COL22A1: variants seen among roughly 807,000 people sequenced by gnomAD.
COL22A1 encodes the protein collagen alpha-1(XXII) chain.
COL22A1 carries 221 observed loss-of-function variants against 248.9 expected under a neutral mutation model. The observed-to-expected ratio is 0.89, with a 90% confidence interval of 0.80 to 0.99. COL22A1 has a LOEUF of 0.99. Among genes scored for constraint, COL22A1 ranks in the 50% least tolerant of loss-of-function variants. The pLI is 0.00. For synonymous variants in COL22A1, 891 were observed against 793.4 expected (o/e 1.12, Z -2.07); for missense variants, 2,240 against 2,179.0 (o/e 1.03, Z -0.56).
intron 3 of COL22A1, among the ~76,000 whole-genome samples, chr8:138,856,728 A>G (rs1822053844): frequency 6.6e-6 from 1 of 152,180 alleles, no homozygotes; most frequent in South Asian, 2.1e-4. Flanking sequence ...AGTGAGAGAG[A>G]CAGAGAGAGG....
At chr8:138,767,834 C>G (rs551546579) in intron 16 of COL22A1, among the ~76,000 whole-genome samples, 3 of 152,198 alleles carry the variant, frequency 2.0e-5, no homozygotes, top group Admixed American at 6.5e-5. Flanking sequence ...GCCGGCTGCC[C>G]GTGCCTGACC....
chr8:138,629,980 C>T (rs56369943), intron 50 of COL22A1, among the ~76,000 whole-genome samples: 23,854 of 152,044 alleles, frequency 0.16, 1,950 homozygotes, highest in South Asian at 0.19. Context: ...TGATTCATGG[C>T]CTTTCTAACT....
intron 1 of COL22A1, among the ~76,000 whole-genome samples, chr8:138,897,410 G>A (rs11992725): frequency 0.59 from 89,369 of 151,408 alleles, 28,183 homozygotes; most frequent in East Asian, 0.85. Flanking sequence ...TTAGTTGGGC[G>A]TGGTGGCACA....
chr8:138,612,323 T>C (rs1818928978), intron 56 of COL22A1, among the ~76,000 whole-genome samples: 1 of 152,176 alleles, frequency 6.6e-6, no homozygotes, highest in South Asian at 2.1e-4. Context: ...TTTATGCTTT[T>C]CTCTTTGCAC....
chr8:138,809,754 G>A (rs1477402998), intron 9 of COL22A1, among the ~76,000 whole-genome samples: 4 of 151,932 alleles, frequency 2.6e-5, no homozygotes, highest in Admixed American at 6.5e-5. Flanking sequence ...TCCTGATCTC[G>A]TGATCTGCCT....
At chr8:138,867,074 C>G (rs936154320) in intron 3 of COL22A1, among the ~76,000 whole-genome samples, 1 of 152,134 alleles carries the variant, frequency 6.6e-6, no homozygotes, top group African/African-American at 2.4e-5. Flanking sequence ...TGTAAAGGGC[C>G]CGATAGTAAA....
intron 51 of COL22A1, among the ~76,000 whole-genome samples, chr8:138,625,533 A>G (rs1820166785): frequency 2.0e-5 from 3 of 152,328 alleles, no homozygotes; most frequent in African/African-American, 7.2e-5. Context: ...AAGGATATTA[A>G]ATGGAAAAGT....
At chr8:138,693,556 C>T in intron 35 of COL22A1, 90 bp downstream of exon 35, 1 of 1,365,726 alleles carries the variant, frequency 7.3e-7, no homozygotes, top group Non-Finnish European at 1.0e-6. Context: ...CCTAGCTAGC[C>T]CAGAGCTGTG....
intron 3 of COL22A1, among the ~76,000 whole-genome samples, chr8:138,853,337 C>A (rs1162509896): frequency 6.6e-6 from 1 of 152,210 alleles, no homozygotes; most frequent in Non-Finnish European, 1.5e-5. Flanking sequence ...TACTCTTCTT[C>A]CCCTAACTCC....
intron 12 of COL22A1, among the ~76,000 whole-genome samples, chr8:138,792,978 T>C (rs752946567): frequency 3.3e-5 from 5 of 152,210 alleles, no homozygotes; most frequent in Non-Finnish European, 7.3e-5. Context: ...GGGCACAGCA[T>C]TGCCTTCCCT....
chr8:138,870,349 G>A (rs186725545), intron 3 of COL22A1, among the ~76,000 whole-genome samples: 55 of 152,000 alleles, frequency 3.6e-4, no homozygotes, highest in Non-Finnish European at 6.6e-4. Context: ...TGTGTGGTGT[G>A]TAGTGTGTAT....
chr8:138,867,919 C>T (rs2131992336), intron 3 of COL22A1, among the ~76,000 whole-genome samples: 1 of 152,234 alleles, frequency 6.6e-6, no homozygotes, highest in East Asian at 1.9e-4. Context: ...CACATGCCAA[C>T]ATGCCTGGCT....
intron 34 of COL22A1, 72 bp from the exon 35 acceptor site, chr8:138,693,771 G>T: frequency 6.8e-7 from 1 of 1,480,620 alleles, no homozygotes; most frequent in Non-Finnish European, 9.2e-7. Context: ...CAGCAGGGAG[G>T]TCTCGGGAAT....
intron 1 of COL22A1, among the ~76,000 whole-genome samples, chr8:138,897,529 CAG>C (rs1814206562): frequency 6.7e-6 from 1 of 148,530 alleles, no homozygotes; most frequent in African/African-American, 2.5e-5. Flanking sequence ...AGCCTAGTGA[CAG>C]AGCGAGACTC....
chr8:138,837,251 A>G (rs1048603959), intron 4 of COL22A1, among the ~76,000 whole-genome samples: 1 of 151,870 alleles, frequency 6.6e-6, no homozygotes, highest in African/African-American at 2.4e-5. Context: ...CACCTCTTTC[A>G]CTCTGGTTAT....
intron 4 of COL22A1, among the ~76,000 whole-genome samples, chr8:138,840,555 A>ACG (rs1476826874): frequency 1.2e-3 from 181 of 150,942 alleles, no homozygotes; most frequent in African/African-American, 4.3e-3. Context: ...ACACACACAC[A>ACG]CACGCGCTCC....
chr8:138,782,815 CGATGACAGACG>C (rs139494352), intron 12 of COL22A1, among the ~76,000 whole-genome samples: 5,163 of 152,210 alleles, frequency 0.034, 249 homozygotes, highest in African/African-American at 0.11. Context: ...CCCAGGCCCA[CGATGACAGACG>C]GATCAATGGA....
intron 18 of COL22A1, among the ~76,000 whole-genome samples, chr8:138,759,122 G>A (rs1307732255): frequency 4.6e-5 from 7 of 152,150 alleles, no homozygotes; most frequent in Admixed American, 6.5e-5. Context: ...TAATGAACTC[G>A]GCTAGCACTG....
intron 16 of COL22A1, among the ~76,000 whole-genome samples, chr8:138,764,951 G>T (rs889110582): frequency 2.6e-5 from 4 of 152,196 alleles, no homozygotes; most frequent in African/African-American, 9.7e-5. Flanking sequence ...GTGAGACTCT[G>T]TCTCAAAACA....
Sources: allele counts gnomAD v4.1 joint callset (sites outside exome capture counted in the v4.1 genomes callset), GRCh38; gene constraint gnomAD v4.1.1; transcripts MANE v1.5; gene names NCBI Gene and HGNC (gene_info 2026-07-23, HGNC 2026-07-21).